DDX56: variants seen among roughly 807,000 people sequenced by gnomAD.
The protein encoded by DDX56 is probable ATP-dependent RNA helicase DDX56.
DDX56 carries 45 observed loss-of-function variants against 61.5 expected under a neutral mutation model. The ratio of observed to expected loss-of-function variants is 0.73; its 90% CI spans 0.58 to 0.94. The LOEUF is 0.94. Ranked by LOEUF, DDX56 falls within the 40% of genes least tolerant of loss-of-function variation. DDX56 has a pLI of 0.00. For missense variants in DDX56, 708 were observed against 690.7 expected (o/e 1.02, Z -0.28); for synonymous variants, 273 against 268.3 (o/e 1.02, Z -0.17).
At chr7:44,566,347 C>G in intron 13 of DDX56, 101 bp downstream of exon 13, 1 of 1,154,868 alleles carries the variant, frequency 8.7e-7, no homozygotes, top group Non-Finnish European at 1.3e-6. Context: ...AGGGCACCCT[C>G]TCTTCCCCTC....
At chr7:44,569,384 G>A (rs1347961085) in intron 9 of DDX56, among the ~76,000 whole-genome samples, 181 bp from the exon 10 acceptor site, 2 of 152,180 alleles carry the variant, frequency 1.3e-5, no homozygotes, top group East Asian at 1.9e-4. Context: ...ATCTGTCCCC[G>A]TGTGTGGATG....
At chr7:44,571,277 G>A (rs1001288224) in intron 6 of DDX56, among the ~76,000 whole-genome samples, 6 of 152,148 alleles carry the variant, frequency 3.9e-5, no homozygotes, top group Admixed American at 1.3e-4. Context: ...GACCTCAGGC[G>A]ATCCGCCCAC....
Position 44,568,915 on chromosome 7 carries a change from A to C in DDX56, c.1371T>G (p.Ser457=), listed in dbSNP as rs187608701. 1.3e-4 allele frequency: 212 copies of C among 1,613,432 alleles called. 2 individuals are homozygous for C. In the East Asian group the frequency reaches 4.7e-3, roughly 36 times the overall value. ...LKEIKEELLH[S]EKLKTYFEDN... Reference sequence around the variant, plus strand: ...CCCATCCACTCACCTTAAGCTTCTCAGAATGCAGAAGCTCTTCCTTGATCT... The same window carrying C: ...CCCATCCACTCACCTTAAGCTTCTCCGAATGCAGAAGCTCTTCCTTGATCT... The change falls in exon 11 of 14, where the codon TCT becomes TCG. Residue 457 remains serine, a synonymous_variant. Coordinates refer to ENST00000258772, the MANE Select transcript of DDX56 (RefSeq NM_019082.4).
rs777560268 is a variant in DDX56, at chr7:44,568,236, G to A, written c.1384-13C>T. On this transcript the variant is annotated splice_polypyrimidine_tract_variant and intron_variant, in intron 11 of 13. Transcript: ENST00000258772. ...CTTCAAAGTATGTCTGCCGGGGGAA[G>A]AGGGAGAGCCACAGAGTGAGCATCT... 1.3e-5 allele frequency: 20 copies of A among 1,587,356 alleles called. No individual in the cohort carries two copies. Among genetic ancestry groups the A allele is most frequent in the Admixed American group, 1.7e-5 (1 of 58,762 alleles).
chr7:44,572,602 A>G lies in DDX56; in HGVS notation c.526T>C (p.Phe176Leu). 1 of 1,614,196 alleles carries G rather than the reference A, an allele frequency of 6.2e-7. No individual in the cohort carries two copies. Among genetic ancestry groups the G allele is most frequent in the Non-Finnish European group, 8.5e-7 (1 of 1,180,038 alleles). The change falls in exon 4 of 14, where the codon TTT becomes CTT. Residue 176 changes from phenylalanine (F) to leucine (L), a missense_variant. By Grantham distance (22) the Phe-to-Leu change is conservative (BLOSUM62 0). Transcript: ENST00000258772. ...AGGAGACTCTTGAGCTCTTCTTCAAAGCCAAAGGAAAAAAGAAGGTCAGCT... is the reference window on the plus strand; with the variant it reads ...AGGAGACTCTTGAGCTCTTCTTCAAGGCCAAAGGAAAAAAGAAGGTCAGCT... ...DEADLLFSFG[F>L]EEELKSLLCH...
rs753090345 is a variant in DDX56 at position 44,566,494 on chromosome 7, G to A, written c.1520C>T (p.Pro507Leu). The A allele has an allele frequency of 6.4e-6, 10 of 1,567,750 alleles. No individual in the cohort carries two copies. The East Asian group carries it at 1.7e-4, about 26-fold the overall frequency. Reference protein sequence around the residue: ...VPPALRGLVRPHKKRKKLSSS... With the variant: ...VPPALRGLVRLHKKRKKLSSS... ...AGACAGCTTCTTCCGCTTCTTGTGA[G>A]GGCGCACCAGGCCACGGAGAGCAGG... Residue 507 changes from proline (P) to leucine (L), a missense_variant, in exon 13 of 14, where the codon CCT becomes CTT. By Grantham distance (98) the Pro-to-Leu change is moderately conservative. Transcript: ENST00000258772.
rs1469750161 is a variant in DDX56 at position 44,573,677 on chromosome 7, T to C, written c.128A>G (p.Glu43Gly). 2 of 1,613,766 alleles carry C rather than the reference T, an allele frequency of 1.2e-6. No homozygotes were observed. The highest frequency in any genetic ancestry group is 1.7e-6 in the Non-Finnish European group (2 of 1,180,032). ...IQEKAIPLAL[E>G]GKDLLARART... ...GGCCCGAGCCAGGAGGTCCTTCCCT[T>C]CTAGGGCCAGTGGGATGGCCTTCTC... Residue 43 changes from glutamate to glycine, a missense_variant, in exon 2 of 14, where the codon GAA becomes GGA. Glu to Gly is a moderately conservative substitution (Grantham distance 98). Coordinates refer to ENST00000258772, the MANE Select transcript of DDX56 (RefSeq NM_019082.4).
chr7:44,571,520 G>C lies in DDX56; in HGVS notation c.862C>G (p.Leu288Val). ...LEQFSIPTCV[L>V]NGELPLRSRC... ...GAGCGCAGTGGAAGCTCTCCATTGAGCACACAGGTGGGGATGCTGAACTGT... is the reference window on the plus strand; with the variant it reads ...GAGCGCAGTGGAAGCTCTCCATTGACCACACAGGTGGGGATGCTGAACTGT... The change falls in exon 6 of 14, where the codon CTC becomes GTC. Residue 288 changes from leucine (L) to valine (V), a missense_variant. Physicochemically the swap from Leu to Val is conservative, Grantham distance 32. Coordinates refer to ENST00000258772, the MANE Select transcript of DDX56 (RefSeq NM_019082.4). 1 of 1,614,110 alleles carries C rather than the reference G, an allele frequency of 6.2e-7. No individual in the cohort carries two copies. Among genetic ancestry groups the C allele is most frequent in the Non-Finnish European group, 8.5e-7 (1 of 1,180,030 alleles).
At position 44,570,765 on chromosome 7, in the gene DDX56, C is replaced by T; in HGVS notation, c.1003G>A (p.Gly335Arg). ...AAAGAGGCATGGACTCACTTGTCCCCTTTGGGCCCTCGGCCCCGACGCTTG... is the reference window on the plus strand; with the variant it reads ...AAAGAGGCATGGACTCACTTGTCCCTTTTGGGCCCTCGGCCCCGACGCTTG... ...KGKRRGRGPK[G>R]DKASDPEAGV... Residue 335 changes from glycine (G) to arginine (R), a missense_variant, in exon 7 of 14, where the codon GGG becomes AGG. Gly to Arg is a moderately radical substitution (Grantham distance 125). Coordinates refer to ENST00000258772, the MANE Select transcript of DDX56 (RefSeq NM_019082.4). 6.2e-7 allele frequency: 1 copy of T among 1,611,844 alleles called. No homozygotes were observed. The highest frequency in any genetic ancestry group is 8.5e-7 in the Non-Finnish European group (1 of 1,178,740).
chr7:44,570,987 C>T, intron 6 of DDX56, 110 bp from the exon 7 acceptor site: 1 of 1,336,848 alleles, frequency 7.5e-7, no homozygotes, highest in Non-Finnish European at 1.0e-6. Flanking sequence ...TCTTCTTAAT[C>T]TCTTTCCCTA....
At chr7:44,573,095 C>G (rs750512070) in intron 2 of DDX56, 45 bp from the exon 3 acceptor site, 3 of 1,519,472 alleles carry the variant, frequency 2.0e-6, no homozygotes, top group Non-Finnish European at 2.7e-6. Context: ...GTGCACATCA[C>G]TGTGTCCACG....
At chr7:44,570,505 T>C (rs1485744051) in intron 7 of DDX56, among the ~76,000 whole-genome samples, 9 of 152,206 alleles carry the variant, frequency 5.9e-5, no homozygotes, top group African/African-American at 1.9e-4. Context: ...GGATGGGCCA[T>C]CTCCCCTGCA....
At chr7:44,571,402 A>G in intron 6 of DDX56, 90 bp downstream of exon 6, 1 of 1,502,788 alleles carries the variant, frequency 6.7e-7, no homozygotes. Context: ...CCTGGCCCCT[A>G]CTAAGTGCTT....
rs370069185 is a variant in DDX56 at position 44,571,782 on chromosome 7, A to G, written c.646-46T>C. The G allele has an allele frequency of 5.2e-5, 83 of 1,606,702 alleles. No homozygotes were observed. In the African/African-American group the frequency reaches 9.8e-4, roughly 19 times the overall value. The stretch of plus-strand genomic sequence containing the variant: ...GTGGTCAGAAAGGAAAAGAACACAG[A>G]GATGTATGGCCACTTACTCACCAAC... On this transcript the variant is annotated intron_variant, in intron 5 of 13. Coordinates refer to ENST00000258772, the MANE Select transcript of DDX56 (RefSeq NM_019082.4).
At position 44,573,605 on chromosome 7, in the gene DDX56, T is replaced by G. The variant is rs773283552; in HGVS notation, c.200A>C (p.Gln67Pro). 5 of 1,613,818 alleles carry G rather than the reference T, an allele frequency of 3.1e-6. No homozygotes were observed. The highest frequency in any genetic ancestry group is 4.2e-6 in the Non-Finnish European group (5 of 1,179,946). Residue 67 changes from glutamine (Q) to proline (P), a missense_variant, in exon 2 of 14, where the codon CAG becomes CCG. Coordinates refer to ENST00000258772, the MANE Select transcript of DDX56 (RefSeq NM_019082.4). ...CACCGCCTTCCTATGGAGCAACAGCTGCAGCATCGGAATAGCATAAGCGGC... is the reference window on the plus strand; with the variant it reads ...CACCGCCTTCCTATGGAGCAACAGCGGCAGCATCGGAATAGCATAAGCGGC... ...KTAAYAIPML[Q>P]LLLHRKATGP...
chr7:44,573,209 T>C (rs1802725841), intron 2 of DDX56, among the ~76,000 whole-genome samples, 159 bp from the exon 3 acceptor site: 1 of 152,096 alleles, frequency 6.6e-6, no homozygotes, highest in South Asian at 2.1e-4. Flanking sequence ...GAGTGGAGAG[T>C]TCTTTCCCCA....
chr7:44,569,150 C>T lies in DDX56; in HGVS notation c.1273G>A (p.Gly425Ser), dbSNP rs1392585288. The change falls in exon 10 of 14, where the codon GGC (glycine) becomes AGC (serine). Residue 425 changes from glycine to serine, a missense_variant. Coordinates refer to ENST00000258772, the MANE Select transcript of DDX56 (RefSeq NM_019082.4). Reference sequence around the variant, plus strand: ...CTCACCCTGCAGCGATAGCGGAAGCCCTCGATCTCCTCCATCCGGAACTGG... The same window carrying T: ...CTCACCCTGCAGCGATAGCGGAAGCTCTCGATCTCCTCCATCCGGAACTGG... ...PYQFRMEEIE[G>S]FRYRCRDAMR... is the part of the protein sequence containing the mutation. 1.9e-6 allele frequency: 3 copies of T among 1,614,162 alleles called. No homozygotes were observed. The highest frequency in any genetic ancestry group is 2.2e-5 in the East Asian group (1 of 44,870).
At position 44,568,958 on chromosome 7, in the gene DDX56, C is replaced by G; in HGVS notation, c.1328G>C (p.Arg443Pro). 1.2e-6 allele frequency: 2 copies of G among 1,614,118 alleles called. No individual in the cohort carries two copies. The highest frequency in any genetic ancestry group is 1.6e-4 in the Middle Eastern group (1 of 6,062). ...CTTGATCTCCTTCAATCTTGCCTCC[C>G]GAATGGCCTGCTTAGTCACTGAGCG... is the stretch of plus-strand genomic sequence containing the variant. ...AMRSVTKQAI[R>P]EARLKEIKEE... The change falls in exon 11 of 14, where the codon CGG becomes CCG. Residue 443 changes from arginine (R) to proline (P), a missense_variant. Arg to Pro is a moderately radical substitution (Grantham distance 103). Coordinates refer to ENST00000258772, the MANE Select transcript of DDX56 (RefSeq NM_019082.4).
rs375041840 is a variant in DDX56 at position 44,566,148 on chromosome 7, CAACT to C, written c.1567-73_1567-70del. The C allele has an allele frequency of 2.7e-3, 2,307 of 869,148 alleles. 29 individuals are homozygous for C. In the African/African-American group the frequency reaches 0.033, roughly 13 times the overall value. The allele number at this position is 869,148 out of a possible 1,614,324, so 53.8% of individuals were successfully genotyped here. ...CAGACAATCCACCCACCCACCCACC[CAACT>C]GAGAAAGACACAAAGGGAGCCGTGC... On this transcript the variant is annotated intron_variant, in intron 13 of 13. Transcript: ENST00000258772.
Sources: allele counts gnomAD v4.1 joint callset (sites outside exome capture counted in the v4.1 genomes callset), GRCh38; gene constraint gnomAD v4.1.1; transcripts MANE v1.5; gene names NCBI Gene and HGNC (gene_info 2026-07-23, HGNC 2026-07-21).